FAM114A2: variants seen among roughly 807,000 people sequenced by gnomAD.
The protein encoded by FAM114A2 is protein FAM114A2.
FAM114A2 carries 53 observed loss-of-function variants against 58.4 expected under a neutral mutation model. That is an observed-to-expected ratio of 0.91 (90% confidence interval 0.73 to 1.14). FAM114A2 has a LOEUF of 1.14. Among genes scored for constraint, FAM114A2 ranks in the 50% most tolerant of loss-of-function variants. FAM114A2 has a pLI of 0.00. For missense variants in FAM114A2, 601 were observed against 581.1 expected (o/e 1.03, Z -0.35); for synonymous variants, 228 against 211.4 (o/e 1.08, Z -0.68).
In FAM114A2 at chr5:153,990,627, A is replaced by T. The variant is rs1345086575; in HGVS notation, c.*2349T>A. 1.3e-5 allele frequency: 2 copies of T among 152,220 alleles called. No individual in the cohort carries two copies. The highest frequency in any genetic ancestry group is 3.8e-4 in the East Asian group (2 of 5,208). 9.4% of individuals were successfully genotyped at this position (152,220 alleles called of 1,614,324 possible). ...GAGGTTTCTACTTCTTTCAGATCAA[A>T]TTAATAAAGTCTCTCTTAATCACAG... On this transcript the variant is annotated 3_prime_UTR_variant, in exon 14 of 14. Transcript: ENST00000351797.
intron 8 of FAM114A2, among the ~76,000 whole-genome samples, chr5:154,014,054 T>G (rs991464682): frequency 1.3e-5 from 2 of 152,236 alleles, no homozygotes; most frequent in African/African-American, 4.8e-5. Context: ...AATCCAAGTC[T>G]AATTCCAAAA....
At chr5:154,029,613 G>T in intron 4 of FAM114A2, 33 bp from the exon 5 acceptor site, 1 of 1,247,736 alleles carries the variant, frequency 8.0e-7, no homozygotes, top group Non-Finnish European at 1.2e-6. Flanking sequence ...AAACATGAAG[G>T]GAAGGTCCCT....
intron 8 of FAM114A2, among the ~76,000 whole-genome samples, chr5:154,013,820 T>C (rs1317957726): frequency 6.6e-6 from 1 of 152,220 alleles, no homozygotes; most frequent in Admixed American, 6.5e-5. Flanking sequence ...ACTTTTAAAA[T>C]GCATATTTTT....
intron 8 of FAM114A2, among the ~76,000 whole-genome samples, chr5:154,011,943 T>A (rs1770727619): frequency 1.3e-5 from 2 of 152,156 alleles, no homozygotes; most frequent in African/African-American, 2.4e-5. Context: ...AAAGGCCATA[T>A]AATCGATGGT....
At chr5:154,026,547 T>C in intron 7 of FAM114A2, 25 bp from the exon 8 acceptor site, 1 of 1,424,452 alleles carries the variant, frequency 7.0e-7, no homozygotes, top group Non-Finnish European at 9.3e-7. Context: ...GAACAAAATG[T>C]TGTAGGAGTA....
At chr5:153,999,120 C>G (rs1054527691) in intron 11 of FAM114A2, among the ~76,000 whole-genome samples, 2 of 151,992 alleles carry the variant, frequency 1.3e-5, no homozygotes, top group African/African-American at 4.8e-5. Flanking sequence ...TGACAGGAGA[C>G]TAATATCCAG....
rs1431696597 is a variant in FAM114A2 at position 153,991,618 on chromosome 5, A to G, written c.*1358T>C. 1 of 152,044 alleles carries G rather than the reference A, an allele frequency of 6.6e-6. No homozygotes were observed. Among genetic ancestry groups the G allele is most frequent in the East Asian group, 1.9e-4 (1 of 5,190 alleles). The allele number at this position is 152,044 out of a possible 1,614,324, so 9.4% of individuals were successfully genotyped here. ...AATTTATTTCTCTTCCTTGCTTACT[A>G]ACTGACTCCTGCCCCAAAGAAGATT... On this transcript the variant is annotated 3_prime_UTR_variant, in exon 14 of 14. Transcript: ENST00000351797.
chr5:154,000,774 T>G (rs1769919175), intron 11 of FAM114A2, among the ~76,000 whole-genome samples: 1 of 152,164 alleles, frequency 6.6e-6, no homozygotes, highest in African/African-American at 2.4e-5. Flanking sequence ...CAGTATATGT[T>G]CCAGTTAAAT....
chr5:154,022,391 C>T (rs1771478779), intron 8 of FAM114A2, among the ~76,000 whole-genome samples: 1 of 152,134 alleles, frequency 6.6e-6, no homozygotes, highest in Non-Finnish European at 1.5e-5. Context: ...ACCCATCTGA[C>T]AAAGGGCTGA....
At chr5:154,020,982 C>G (rs1771377638) in intron 8 of FAM114A2, among the ~76,000 whole-genome samples, 1 of 152,126 alleles carries the variant, frequency 6.6e-6, no homozygotes. Flanking sequence ...GGATGCAAAG[C>G]TGGTTCAACA....
At position 154,038,867 on chromosome 5, in the gene FAM114A2, G is replaced by A. The variant is rs1220703863; in HGVS notation, c.-25C>T. The A allele has an allele frequency of 6.6e-6, 1 of 152,620 alleles. No homozygotes were observed. Among genetic ancestry groups the A allele is most frequent in the Non-Finnish European group, 1.5e-5 (1 of 68,286 alleles). The allele number at this position is 152,620 out of a possible 1,614,324, so 9.5% of individuals were successfully genotyped here. On this transcript the variant is annotated 5_prime_UTR_variant, in exon 1 of 14. Coordinates refer to ENST00000351797, the MANE Select transcript of FAM114A2 (RefSeq NM_018691.4). ...CAGGAAGCTCCGCACCTATCCGGCC[G>A]CCACCCTCAGCACAGCCACGGCAGC... is the stretch of plus-strand genomic sequence containing the variant.
chr5:154,031,322 A>AAAAAAAAAAAAG (rs1772181318), intron 4 of FAM114A2, among the ~76,000 whole-genome samples: 1 of 150,582 alleles, frequency 6.6e-6, no homozygotes, highest in Non-Finnish European at 1.5e-5. Context: ...CAAAAAAAAA[A>AAAAAAAAAAAAG]AAAAAAGCCT....
intron 11 of FAM114A2, among the ~76,000 whole-genome samples, chr5:153,999,506 C>CTAAAATACAAAAAGTA (rs1769824467): frequency 6.6e-6 from 1 of 151,746 alleles, no homozygotes; most frequent in Non-Finnish European, 1.5e-5. Context: ...ATGGTGTGCA[C>CTAAAATACAAAAAGTA]GCTTGTAATC....
intron 8 of FAM114A2, among the ~76,000 whole-genome samples, chr5:154,022,439 G>A (rs577705004): frequency 1.3e-5 from 2 of 152,160 alleles, no homozygotes; most frequent in South Asian, 4.2e-4. Context: ...AAATTTACAA[G>A]AAAAAATCAA....
At chr5:154,029,623 T>TTCATG in intron 4 of FAM114A2, 43 bp from the exon 5 acceptor site, 2 of 1,122,156 alleles carry the variant, frequency 1.8e-6, no homozygotes, top group Non-Finnish European at 2.7e-6. Context: ...GGAAGGTCCC[T>TTCATG]TAACTCTCAG....
At chr5:154,022,120 T>A (rs1200582290) in intron 8 of FAM114A2, among the ~76,000 whole-genome samples, 1 of 152,162 alleles carries the variant, frequency 6.6e-6, no homozygotes, top group African/African-American at 2.4e-5. Flanking sequence ...GATCCCTTCC[T>A]TACACCTTAT....
chr5:154,028,208 C>G lies in FAM114A2; in HGVS notation c.571G>C (p.Gly191Arg). The G allele has an allele frequency of 6.2e-7, 1 of 1,612,016 alleles. No homozygotes were observed. The highest frequency in any genetic ancestry group is 8.5e-7 in the Non-Finnish European group (1 of 1,178,294). Residue 191 changes from glycine (G) to arginine (R), a missense_variant, in exon 6 of 14, where the codon GGG (glycine) becomes CGG (arginine). Gly to Arg is a moderately radical substitution (Grantham distance 125). Transcript: ENST00000351797. ...GKKTMDVIAE[G>R]DPGFKRTKGL... ...TTGGTTCTTTTAAATCCAGGATCCC[C>G]TTCTGCTATCACATCCATTGTCTTT...
chr5:154,030,635 T>C (rs1225045295), intron 4 of FAM114A2, among the ~76,000 whole-genome samples: 2 of 152,212 alleles, frequency 1.3e-5, no homozygotes, highest in Non-Finnish European at 2.9e-5. Flanking sequence ...AAACGGAGAC[T>C]GGAATCTGGG....
chr5:154,014,183 C>T (rs1409451064), intron 8 of FAM114A2, among the ~76,000 whole-genome samples: 2 of 152,186 alleles, frequency 1.3e-5, no homozygotes, highest in Non-Finnish European at 2.9e-5. Flanking sequence ...AATAAGGTAT[C>T]ATTTAGCAAG....
Sources: gnomAD v4.1 joint callset for allele counts (sites outside exome capture counted in the v4.1 genomes callset) on GRCh38, gnomAD v4.1.1 for gene constraint, MANE v1.5 for transcripts, NCBI Gene and HGNC (gene_info 2026-07-23, HGNC 2026-07-21) for gene names.